RASA2: variants seen among roughly 807,000 people sequenced by gnomAD.
RASA2 encodes the protein ras GTPase-activating protein 2.
Under a neutral mutation model 118.2 loss-of-function variants are expected in RASA2, and 155 were observed. The ratio of observed to expected loss-of-function variants is 1.31; its 90% CI spans 1.15 to 1.50. The LOEUF (loss-of-function observed/expected upper bound fraction) is 1.50. RASA2 is among the 40% of genes most tolerant of loss of function. RASA2 has a pLI of 0.00. For synonymous variants in RASA2, 353 were observed against 349.1 expected (o/e 1.01, Z -0.12); for missense variants, 1,016 against 1,009.6 (o/e 1.01, Z -0.09).
chr3:141,526,334 G>A (rs75946247), intron 3 of RASA2, among the ~76,000 whole-genome samples: 1,889 of 151,858 alleles, frequency 0.012, 45 homozygotes, highest in African/African-American at 0.043. Context: ...GAATCGTGAG[G>A]CTTTTTTTTT....
At chr3:141,490,279 C>T (rs1356622153) in intron 1 of RASA2, among the ~76,000 whole-genome samples, 4 of 140,384 alleles carry the variant, frequency 2.8e-5, no homozygotes, top group African/African-American at 1.1e-4. Context: ...TCCTGTGTAG[C>T]GAGTAGCAAG....
intron 19 of RASA2, among the ~76,000 whole-genome samples, chr3:141,601,911 T>A (rs935959237): frequency 6.6e-6 from 1 of 152,226 alleles, no homozygotes; most frequent in Admixed American, 6.5e-5. Flanking sequence ...GTTCACTGAT[T>A]TAGCTCATGT....
At chr3:141,590,681 G>A (rs2083274351) in intron 19 of RASA2, among the ~76,000 whole-genome samples, 1 of 152,170 alleles carries the variant, frequency 6.6e-6, no homozygotes, top group South Asian at 2.1e-4. Flanking sequence ...TGACTTTGGT[G>A]TCTGAAAGAA....
chr3:141,576,389 C>T (rs1389076947), intron 14 of RASA2, among the ~76,000 whole-genome samples: 1 of 152,156 alleles, frequency 6.6e-6, no homozygotes, highest in Non-Finnish European at 1.5e-5. Context: ...TTTCCCTCAC[C>T]ATCTGCTTCA....
At position 141,487,077 on chromosome 3, in the gene RASA2, C is replaced by T; in HGVS notation, c.-7C>T. The T allele has an allele frequency of 4.5e-6, 6 of 1,334,684 alleles. No homozygotes were observed. Among genetic ancestry groups the T allele is most frequent in the Non-Finnish European group, 1.9e-6 (2 of 1,030,320 alleles). The allele number at this position is 1,334,684 out of a possible 1,614,324, so 82.7% of individuals were successfully genotyped here. Reference sequence around the variant, plus strand: ...CGGCAGGGCTGCGGCACGGGCCGGGCGGCACCATGGCGGCGGCGGCGCCTG... The same window carrying T: ...CGGCAGGGCTGCGGCACGGGCCGGGTGGCACCATGGCGGCGGCGGCGCCTG... On this transcript the variant is annotated 5_prime_UTR_variant, in exon 1 of 24. Coordinates refer to ENST00000286364, the MANE Select transcript of RASA2 (RefSeq NM_006506.5).
At chr3:141,547,406 T>C (rs2082501428) in intron 5 of RASA2, among the ~76,000 whole-genome samples, 1 of 152,294 alleles carries the variant, frequency 6.6e-6, no homozygotes, top group South Asian at 2.1e-4. Flanking sequence ...TCATTATAGA[T>C]GTCTTTCACT....
At chr3:141,523,466 T>C (rs2082141933) in intron 3 of RASA2, among the ~76,000 whole-genome samples, 1 of 152,176 alleles carries the variant, frequency 6.6e-6, no homozygotes, top group Non-Finnish European at 1.5e-5. Flanking sequence ...GAGGTAATAA[T>C]TGTTATTAAT....
chr3:141,575,734 C>G (rs1363857756), intron 14 of RASA2, among the ~76,000 whole-genome samples: 1 of 152,194 alleles, frequency 6.6e-6, no homozygotes, highest in Non-Finnish European at 1.5e-5. Context: ...TCTGTTTTAG[C>G]AGTTTAATTC....
At chr3:141,570,471 C>T (rs1052783553) in intron 9 of RASA2, among the ~76,000 whole-genome samples, 1 of 152,200 alleles carries the variant, frequency 6.6e-6, no homozygotes, top group African/African-American at 2.4e-5. Flanking sequence ...CTGCCTGCGT[C>T]AGCCTCCCAA....
intron 4 of RASA2, among the ~76,000 whole-genome samples, chr3:141,532,975 T>C (rs192413066): frequency 6.6e-6 from 1 of 152,300 alleles, no homozygotes; most frequent in East Asian, 1.9e-4. Context: ...AACTATTTGC[T>C]TTGCAAAATA....
intron 9 of RASA2, 120 bp downstream of exon 9, chr3:141,560,115 A>G: frequency 4.4e-6 from 3 of 678,768 alleles, no homozygotes; most frequent in Non-Finnish European, 4.8e-6. Flanking sequence ...GCTAAACGTC[A>G]TTAATATTGA....
chr3:141,555,168 G>A (rs1174571700), intron 6 of RASA2, among the ~76,000 whole-genome samples: 2 of 152,326 alleles, frequency 1.3e-5, no homozygotes, highest in East Asian at 3.9e-4. Context: ...GGCTGAGGCA[G>A]GAGAATCGCT....
chr3:141,572,742 A>G lies in RASA2; in HGVS notation c.1284+19A>G. 3 of 1,504,288 alleles carry G rather than the reference A, an allele frequency of 2.0e-6. No homozygotes were observed. The highest frequency in any genetic ancestry group is 1.4e-5 in the African/African-American group (1 of 71,702). 93.2% of individuals were successfully genotyped at this position (1,504,288 alleles called of 1,614,324 possible). A position where few individuals can be genotyped will look rare whatever the true frequency, so the allele number is the denominator to read the frequency against. ...TGATGAGGTACAGAATATATCTCCA[A>G]CAATGATAGTTTGTGGCCTTATGAT... On this transcript the variant is annotated intron_variant, in intron 12 of 23. Transcript: ENST00000286364.
intron 17 of RASA2, among the ~76,000 whole-genome samples, chr3:141,585,264 C>G (rs2083182216): frequency 6.6e-6 from 1 of 152,106 alleles, no homozygotes; most frequent in South Asian, 2.1e-4. Flanking sequence ...ACCCCACAAT[C>G]AAATACATTA....
chr3:141,548,350 T>G (rs2082519040), intron 5 of RASA2, among the ~76,000 whole-genome samples: 1 of 152,184 alleles, frequency 6.6e-6, no homozygotes, highest in African/African-American at 2.4e-5. Context: ...GTGGCTTCAA[T>G]TTCATTACTT....
intron 5 of RASA2, among the ~76,000 whole-genome samples, chr3:141,543,876 CTT>C (rs529631210): frequency 5.1e-5 from 6 of 117,310 alleles, no homozygotes; most frequent in Admixed American, 9.7e-5. Context: ...TTTCTTTTTT[CTT>C]TTTTTTTTTT....
chr3:141,488,443 T>G (rs917099098), intron 1 of RASA2, among the ~76,000 whole-genome samples: 4 of 152,188 alleles, frequency 2.6e-5, no homozygotes, highest in African/African-American at 9.7e-5. Flanking sequence ...CCAGTACTGT[T>G]GAGCTCACAT....
At chr3:141,593,586 A>G (rs2083318618) in intron 19 of RASA2, among the ~76,000 whole-genome samples, 1 of 152,190 alleles carries the variant, frequency 6.6e-6, no homozygotes. Context: ...GGGACCTCCA[A>G]AGGGGCTAGT....
At chr3:141,547,438 TTTTGTTTTA>T (rs1560023352) in intron 5 of RASA2, among the ~76,000 whole-genome samples, 1 of 152,300 alleles carries the variant, frequency 6.6e-6, no homozygotes, top group East Asian at 1.9e-4. Flanking sequence ...TTCCTAGCTA[TTTTGTTTTA>T]TTTGTAGCTA....
Sources: gnomAD v4.1 joint callset for allele counts (sites outside exome capture counted in the v4.1 genomes callset) on GRCh38, gnomAD v4.1.1 for gene constraint, MANE v1.5 for transcripts, NCBI Gene and HGNC (gene_info 2026-07-23, HGNC 2026-07-21) for gene names.